The following USP12 variants were observed in gnomAD, a reference collection of about 807,000 sequenced individuals.
The protein encoded by USP12 is ubiquitin specific peptidase 12.
Under a neutral mutation model 45.5 loss-of-function variants are expected in USP12, and 19 were observed. That is an observed-to-expected ratio of 0.42 (90% CI 0.29 to 0.61). The LOEUF (loss-of-function observed/expected upper bound fraction) is 0.61. Among genes scored for constraint, USP12 ranks in the 20% least tolerant of loss-of-function variants. The probability of loss-of-function intolerance (pLI) is 0.22; values close to 1 mark genes in which losing one functional copy is unlikely to be tolerated. For synonymous variants in USP12, 149 were observed against 148.8 expected, an observed-to-expected ratio of 1.00 and a Z score of -0.01; for missense variants, 242 against 447.7, an observed-to-expected ratio of 0.54 and a Z score of 4.15.
intron 6 of USP12, among the ~76,000 whole-genome samples, chr13:27,075,755 C>T (rs554400396): frequency 6.6e-5 from 10 of 152,068 alleles, no homozygotes; most frequent in African/African-American, 1.9e-4. Flanking sequence ...GAAGGCCAGG[C>T]GCGGTGGCTC....
chr13:27,077,221 G>A (rs2137756501), intron 6 of USP12: 1 of 152,246 alleles, frequency 6.6e-6, no homozygotes, highest in African/African-American at 2.4e-5. Flanking sequence ...TGAAACATCA[G>A]ACCTTTTATT....
In USP12 at chr13:27,066,694, T is replaced by A. The variant is rs535862194; in HGVS notation, c.*2589A>T. 3 of 152,198 alleles carry A rather than the reference T, an allele frequency of 2.0e-5. No individual in the cohort carries two copies. The highest frequency in any genetic ancestry group is 4.4e-5 in the Non-Finnish European group (3 of 68,024). 9.4% of individuals were successfully genotyped at this position (152,198 alleles called of 1,614,324 possible). On this transcript the variant is annotated 3_prime_UTR_variant, in exon 9 of 9. Coordinates refer to ENST00000282344, the MANE Select transcript of USP12 (RefSeq NM_182488.4). ...ATTTACTTTTAGTTACAATAATTTA[T>A]AGAAATTTTTATTCCAATATACAAA...
At chr13:27,098,319 T>A (rs1405512620) in intron 3 of USP12, among the ~76,000 whole-genome samples, 1 of 151,916 alleles carries the variant, frequency 6.6e-6, no homozygotes, top group Non-Finnish European at 1.5e-5. Flanking sequence ...GATAATTATT[T>A]GCATATTAAT....
intron 7 of USP12, among the ~76,000 whole-genome samples, chr13:27,071,971 T>C (rs766408525): frequency 6.6e-6 from 1 of 152,204 alleles, no homozygotes; most frequent in Non-Finnish European, 1.5e-5. Flanking sequence ...TTATTCTTTA[T>C]GGTGAACACT....
intron 1 of USP12, among the ~76,000 whole-genome samples, chr13:27,137,349 T>C (rs917975014): frequency 2.0e-5 from 3 of 152,148 alleles, no homozygotes; most frequent in African/African-American, 7.2e-5. Flanking sequence ...TTCAATCCGC[T>C]TTATAAAAAG....
At chr13:27,155,133 G>A (rs1206643142) in intron 1 of USP12, among the ~76,000 whole-genome samples, 7 of 128,656 alleles carry the variant, frequency 5.4e-5, no homozygotes, top group African/African-American at 1.8e-4. Flanking sequence ...CCAGACTGGA[G>A]TGCAGTGGCG....
chr13:27,070,970 A>G (rs1017598952), intron 8 of USP12, 101 bp downstream of exon 8: 3 of 951,416 alleles, frequency 3.2e-6, no homozygotes, highest in Non-Finnish European at 4.7e-6. Context: ...CATTTGTCTC[A>G]TATCATCACC....
intron 3 of USP12, among the ~76,000 whole-genome samples, chr13:27,102,512 T>C (rs1874916548): frequency 6.6e-6 from 1 of 152,234 alleles, no homozygotes; most frequent in African/African-American, 2.4e-5. Flanking sequence ...CTTCTGACTT[T>C]ATCTTCATCT....
rs139162792 is a variant in USP12, at chr13:27,110,306, T to C, written c.130-4362A>G. On this transcript the variant is annotated intron_variant, in intron 2 of 8. Coordinates refer to ENST00000282344, the MANE Select transcript of USP12 (RefSeq NM_182488.4). ...TCATGTCATTATGTGTCACAATCAT[T>C]GCAAATAAAGGACCTAACCAGATAA... Among the ~76,000 whole-genome samples, 636 of 152,240 alleles carry C rather than the reference T, an allele frequency of 4.2e-3. 3 individuals carry two copies. The highest frequency in any genetic ancestry group is 0.014 in the African/African-American group (601 of 41,520).
At chr13:27,150,072 AATAG>A (rs755430556) in intron 1 of USP12, among the ~76,000 whole-genome samples, 405 of 152,342 alleles carry the variant, frequency 2.7e-3, no homozygotes, top group Middle Eastern at 3.4e-3. Flanking sequence ...TATACTTTCA[AATAG>A]ATAGAGGAGC....
At chr13:27,110,043 C>G (rs912714248) in intron 2 of USP12, among the ~76,000 whole-genome samples, 1 of 147,880 alleles carries the variant, frequency 6.8e-6, no homozygotes, top group Non-Finnish European at 1.5e-5. Context: ...TTTTTTAAAA[C>G]GTTCCTGCCA....
At position 27,104,134 on chromosome 13, in the gene USP12, G is replaced by A. The variant is rs199699456; in HGVS notation, c.343+1597C>T. ...CAGCTTCAACCTCCTGGGCTCAAGC[G>A]ATCCTGCCACCTTAGCCTTCCAAGT... On this transcript the variant is annotated intron_variant, in intron 3 of 8. Transcript: ENST00000282344. 1.9e-4 allele frequency among the ~76,000 whole-genome samples: 29 copies of A among 152,196 alleles called. No individual in the cohort carries two copies. The Middle Eastern group carries it at 0.017, about 89-fold the overall frequency.
In USP12 at chr13:27,068,199, A is replaced by G. The variant is rs920417443; in HGVS notation, c.*1084T>C. On this transcript the variant is annotated 3_prime_UTR_variant, in exon 9 of 9. Transcript: ENST00000282344. ...ATGCTATGACATGATTTTCCCAAGC[A>G]TGATCTCAACTTGAAACATTAGAAT... is the stretch of plus-strand genomic sequence containing the variant. 3.9e-5 allele frequency: 6 copies of G among 152,616 alleles called. No homozygotes were observed. Among genetic ancestry groups the G allele is most frequent in the African/African-American group, 1.4e-4 (6 of 41,464 alleles). 9.5% of individuals were successfully genotyped at this position (152,616 alleles called of 1,614,324 possible).
chr13:27,131,101 G>A (rs1876478867), intron 1 of USP12, among the ~76,000 whole-genome samples: 1 of 152,202 alleles, frequency 6.6e-6, no homozygotes, highest in Non-Finnish European at 1.5e-5. Context: ...AATAAGCACA[G>A]ATTTACATAT....
chr13:27,098,404 A>T (rs534335585), intron 3 of USP12, among the ~76,000 whole-genome samples: 2 of 152,322 alleles, frequency 1.3e-5, no homozygotes, highest in East Asian at 1.9e-4. Flanking sequence ...AAAAAATTTT[A>T]AAAACTGGCA....
At chr13:27,137,353 TAA>T (rs34304475) in intron 1 of USP12, among the ~76,000 whole-genome samples, 1 of 152,112 alleles carries the variant, frequency 6.6e-6, no homozygotes, top group African/African-American at 2.4e-5. Context: ...ATCCGCTTTA[TAA>T]AAAGACTCAG....
intron 1 of USP12, among the ~76,000 whole-genome samples, chr13:27,117,279 G>A (rs1167717975): frequency 6.6e-6 from 1 of 152,084 alleles, no homozygotes; most frequent in Non-Finnish European, 1.5e-5. Context: ...ACTCTAACAG[G>A]AGTGTAATCT....
At chr13:27,079,953 T>C (rs1372945432) in intron 6 of USP12, among the ~76,000 whole-genome samples, 2 of 152,222 alleles carry the variant, frequency 1.3e-5, no homozygotes, top group African/African-American at 4.8e-5. Flanking sequence ...GCAAATAGAA[T>C]GCTTTATGTG....
intron 1 of USP12, among the ~76,000 whole-genome samples, chr13:27,159,966 A>G (rs1250989378): frequency 6.6e-6 from 1 of 152,226 alleles, no homozygotes; most frequent in Non-Finnish European, 1.5e-5. Context: ...AACAGAAGAG[A>G]AGCTTTAAGG....
Sources: allele counts gnomAD v4.1 joint callset (sites outside exome capture counted in the v4.1 genomes callset), GRCh38; gene constraint gnomAD v4.1.1; transcripts MANE v1.5; gene names NCBI Gene and HGNC (gene_info 2026-07-23, HGNC 2026-07-21).